CFAP299: variants seen among roughly 807,000 people sequenced by gnomAD.
CFAP299 encodes cilia- and flagella-associated protein 299.
CFAP299 carries 21 observed loss-of-function variants against 27.0 expected under a neutral mutation model. That is an observed-to-expected ratio of 0.78 (90% confidence interval 0.55 to 1.12). CFAP299 has a LOEUF of 1.12. Ranked by LOEUF, CFAP299 falls within the 50% of genes most tolerant of loss-of-function variation. CFAP299 has a pLI of 0.00. For synonymous variants in CFAP299, 104 were observed against 98.1 expected (o/e 1.06, Z -0.36); for missense variants, 310 against 276.6 (o/e 1.12, Z -0.86).
At chr4:80,366,421 T>C (rs1723837159) in intron 2 of CFAP299, among the ~76,000 whole-genome samples, 1 of 152,168 alleles carries the variant, frequency 6.6e-6, no homozygotes, top group African/African-American at 2.4e-5. Flanking sequence ...ATCAGGAAGG[T>C]ATATTTTGAT....
chr4:80,878,149 AT>A (rs1412644421), intron 4 of CFAP299, among the ~76,000 whole-genome samples: 1 of 152,142 alleles, frequency 6.6e-6, no homozygotes, highest in Non-Finnish European at 1.5e-5. Context: ...TAAAAATTAC[AT>A]TGCTTGTGTC....
intron 3 of CFAP299, among the ~76,000 whole-genome samples, chr4:80,723,365 A>G (rs1182026316): frequency 1.3e-5 from 2 of 152,244 alleles, no homozygotes; most frequent in Non-Finnish European, 2.9e-5. Flanking sequence ...AATAGGCTAA[A>G]GGATAAAAAA....
intron 3 of CFAP299, among the ~76,000 whole-genome samples, chr4:80,809,598 C>CT (rs1729037879): frequency 6.6e-6 from 1 of 152,018 alleles, no homozygotes; most frequent in Admixed American, 6.6e-5. Flanking sequence ...GTTGCAAAGG[C>CT]TTTTTGCTGC....
chr4:80,585,161 A>G lies in CFAP299; in HGVS notation c.333+1978A>G, dbSNP rs143917751. On this transcript the variant is annotated intron_variant, in intron 3 of 5. Transcript: ENST00000358105. ...GAGCTATTTAGAAGGCAAATTTGGC[A>G]GGATGCTGTGATAGGATATAGTTAA... Among the ~76,000 whole-genome samples, 1,499 of 152,212 alleles carry G rather than the reference A, an allele frequency of 9.8e-3. 20 individuals are homozygous for G. The highest frequency in any genetic ancestry group is 0.069 in the South Asian group (334 of 4,824).
intron 3 of CFAP299, among the ~76,000 whole-genome samples, chr4:80,591,118 T>TA (rs1560642982): frequency 2.2e-4 from 32 of 142,862 alleles, no homozygotes; most frequent in African/African-American, 8.3e-4. Context: ...TTTTTTTTTT[T>TA]TTTTTTTTTT....
chr4:80,483,069 G>A (rs1306412421), intron 2 of CFAP299, among the ~76,000 whole-genome samples: 1 of 152,192 alleles, frequency 6.6e-6, no homozygotes, highest in Non-Finnish European at 1.5e-5. Context: ...ATTAGGGATA[G>A]TAGTTTGGAT....
At chr4:80,423,318 A>G (rs1303333240) in intron 2 of CFAP299, among the ~76,000 whole-genome samples, 1 of 152,252 alleles carries the variant, frequency 6.6e-6, no homozygotes, top group Admixed American at 6.5e-5. Flanking sequence ...ACAAAAATTC[A>G]ACAATTAATA....
At chr4:80,456,113 C>T (rs937204989) in intron 2 of CFAP299, among the ~76,000 whole-genome samples, 2 of 151,980 alleles carry the variant, frequency 1.3e-5, no homozygotes, top group African/African-American at 4.8e-5. Flanking sequence ...GCTTAATGAA[C>T]TAAGGTAGCA....
Position 80,837,450 on chromosome 4 carries a change from G to A in CFAP299, c.334-32543G>A, listed in dbSNP as rs144131204. 3.7e-3 allele frequency among the ~76,000 whole-genome samples: 567 copies of A among 151,846 alleles called. 3 individuals carry two copies. The highest frequency in any genetic ancestry group is 0.013 in the African/African-American group (524 of 41,426). On this transcript the variant is annotated intron_variant, in intron 3 of 5. Coordinates refer to ENST00000358105, the MANE Select transcript of CFAP299 (RefSeq NM_152770.3). Reference sequence around the variant, plus strand: ...TCCTTCCCGTAGCCCCCCAACCCCCGACAGGCCCTAGTGTATGATGTTCCC... The same window carrying A: ...TCCTTCCCGTAGCCCCCCAACCCCCAACAGGCCCTAGTGTATGATGTTCCC...
intron 2 of CFAP299, among the ~76,000 whole-genome samples, chr4:80,383,453 C>G (rs1232910732): frequency 6.6e-6 from 1 of 152,076 alleles, no homozygotes; most frequent in Non-Finnish European, 1.5e-5. Flanking sequence ...ATTGTAACAT[C>G]TAAGATTAAT....
chr4:80,612,463 T>G (rs1738037037), intron 3 of CFAP299, among the ~76,000 whole-genome samples: 1 of 152,106 alleles, frequency 6.6e-6, no homozygotes, highest in African/African-American at 2.4e-5. Context: ...AAATCTGTAG[T>G]ATCTATTTCA....
intron 2 of CFAP299, among the ~76,000 whole-genome samples, chr4:80,523,256 G>A (rs1733009966): frequency 1.3e-5 from 2 of 152,078 alleles, no homozygotes; most frequent in African/African-American, 4.8e-5. Flanking sequence ...TTGTAAATGG[G>A]ACTGTTTTCT....
rs35596655 is a variant in CFAP299, at chr4:80,377,545, C to CT, written c.242+14672dup. On this transcript the variant is annotated intron_variant, in intron 2 of 5. Transcript: ENST00000358105. ...AAATCAGGTAATATGAGTCCTCAAA[C>CT]TTTTTTTTTTTAATTGCTTAAAATT... 1.2e-3 allele frequency among the ~76,000 whole-genome samples: 181 copies of CT among 148,060 alleles called. 1 individual carries two copies. The highest frequency in any genetic ancestry group is 4.0e-3 in the African/African-American group (161 of 40,438).
intron 2 of CFAP299, among the ~76,000 whole-genome samples, chr4:80,437,994 A>G (rs189779312): frequency 6.6e-6 from 1 of 152,254 alleles, no homozygotes; most frequent in East Asian, 1.9e-4. Flanking sequence ...TGTCTTAGGC[A>G]GTCTTGTAAG....
chr4:80,874,803 T>C (rs145116699), intron 4 of CFAP299, among the ~76,000 whole-genome samples: 2 of 152,312 alleles, frequency 1.3e-5, no homozygotes, highest in African/African-American at 4.8e-5. Context: ...TGGTGCTCTC[T>C]AGTAGGGTAG....
At chr4:80,934,662 T>G (rs76700957) in intron 4 of CFAP299, among the ~76,000 whole-genome samples, 5,799 of 152,100 alleles carry the variant, frequency 0.038, 216 homozygotes, top group African/African-American at 0.097. Flanking sequence ...TTTCTTCTGG[T>G]TTATCCAATT....
intron 3 of CFAP299, among the ~76,000 whole-genome samples, chr4:80,621,254 G>T (rs1296450342): frequency 2.0e-5 from 3 of 152,012 alleles, no homozygotes; most frequent in Non-Finnish European, 4.4e-5. Flanking sequence ...CAATGGGTAG[G>T]CTTGGACTGC....
At chr4:80,822,173 C>T (rs1050900332) in intron 3 of CFAP299, among the ~76,000 whole-genome samples, 1 of 152,244 alleles carries the variant, frequency 6.6e-6, no homozygotes. Flanking sequence ...GATCCAACTT[C>T]TTATTTATTC....
chr4:80,833,529 A>G (rs1453002865), intron 3 of CFAP299, among the ~76,000 whole-genome samples: 3 of 152,178 alleles, frequency 2.0e-5, no homozygotes, highest in African/African-American at 7.2e-5. Flanking sequence ...GCAAAACATA[A>G]ATGAGAAAAT....
Sources: gnomAD v4.1 joint callset for allele counts (sites outside exome capture counted in the v4.1 genomes callset) on GRCh38, gnomAD v4.1.1 for gene constraint, MANE v1.5 for transcripts, NCBI Gene and HGNC (gene_info 2026-07-23, HGNC 2026-07-21) for gene names.